Variants in LRRK1 observed in about 807,000 individuals in gnomAD.
The protein encoded by LRRK1 is leucine-rich repeat serine/threonine-protein kinase 1.
Under a neutral mutation model 209.1 loss-of-function variants are expected in LRRK1, and 113 were observed. That is an observed-to-expected ratio of 0.54 (90% CI 0.46 to 0.63). The LOEUF (loss-of-function observed/expected upper bound fraction) is 0.63, where lower values mean the gene tolerates loss of function less well. Among genes scored for constraint, LRRK1 ranks in the 30% least tolerant of loss-of-function variants. LRRK1 has a pLI of 0.00. For missense variants in LRRK1, 2,284 were observed against 2,632.2 expected, an observed-to-expected ratio of 0.87 and a Z score of 2.89; for synonymous variants, 1,144 against 1,099.7, an observed-to-expected ratio of 1.04 and a Z score of -0.80.
At chr15:100,957,127 T>C (rs8041912) in intron 2 of LRRK1, among the ~76,000 whole-genome samples, 71,852 of 152,078 alleles carry the variant, frequency 0.47, 19,106 homozygotes, top group South Asian at 0.62. Context: ...TATTGACTTC[T>C]AGTTTTACAC....
At chr15:100,951,397 T>C (rs2042649231) in intron 2 of LRRK1, among the ~76,000 whole-genome samples, 1 of 152,130 alleles carries the variant, frequency 6.6e-6, no homozygotes, top group African/African-American at 2.4e-5. Context: ...TCTCAACATT[T>C]TGAACATGCA....
chr15:100,956,455 C>CTTTTTCTTTTCTTTTCTTTTCTT, intron 2 of LRRK1, among the ~76,000 whole-genome samples: 3 of 60,528 alleles, frequency 5.0e-5, no homozygotes, highest in East Asian at 4.7e-4. Context: ...TTTTTTTTTT[C>CTTTTTCTTTTCTTTTCTTTTCTT]TTTTTTTTTT....
At chr15:100,972,363 A>AGAGAGAGAGAGTGTGTGTGT (rs1176201849) in intron 2 of LRRK1, among the ~76,000 whole-genome samples, 374 of 98,444 alleles carry the variant, frequency 3.8e-3, no homozygotes, top group Middle Eastern at 0.02. Context: ...AGAGAGAGAG[A>AGAGAGAGAGAGTGTGTGTGT]GTGTGTGTGT....
intron 2 of LRRK1, among the ~76,000 whole-genome samples, chr15:100,941,288 G>GTGTGTC (rs1555458897): frequency 2.2e-5 from 2 of 90,066 alleles, no homozygotes; most frequent in Non-Finnish European, 4.3e-5. Flanking sequence ...CCGTGTGTGT[G>GTGTGTC]TCTGTGTGTG....
At chr15:100,996,819 C>T (rs2032439647) in intron 6 of LRRK1, among the ~76,000 whole-genome samples, 1 of 152,068 alleles carries the variant, frequency 6.6e-6, no homozygotes, top group South Asian at 2.1e-4. Flanking sequence ...ATTTAGTTAA[C>T]GACAGAGAAA....
intron 3 of LRRK1, among the ~76,000 whole-genome samples, chr15:100,982,251 C>T (rs931865970): frequency 2.0e-5 from 3 of 152,242 alleles, no homozygotes; most frequent in Non-Finnish European, 4.4e-5. Context: ...CCCCATCTAC[C>T]TGCTTGACCA....
intron 20 of LRRK1, among the ~76,000 whole-genome samples, chr15:101,040,028 T>C (rs1008038099): frequency 6.6e-6 from 1 of 152,194 alleles, no homozygotes; most frequent in Non-Finnish European, 1.5e-5. Flanking sequence ...TATTGGTTGG[T>C]ACTTTGATGA....
intron 4 of LRRK1, 28 bp from the exon 5 acceptor site, chr15:100,988,606 T>C: frequency 6.2e-7 from 1 of 1,612,550 alleles, no homozygotes; most frequent in East Asian, 2.2e-5. Flanking sequence ...CAGTGGCACT[T>C]TCCCTTTGTC....
chr15:101,053,036 C>T lies in LRRK1; in HGVS notation c.3804C>T (p.Ala1268=), dbSNP rs371462084. The change falls in exon 25 of 34, where the codon GCC becomes GCT. Residue 1268 remains alanine, a synonymous_variant. Transcript: ENST00000388948. ...YRARYQGQPV[A]VKRFHIKKFK... is the part of the protein sequence containing the mutation. ...CCCGGTACCAGGGCCAGCCTGTGGCCGTCAAGCGCTTCCACATCAAAAAAT... is the reference window on the plus strand; with the variant it reads ...CCCGGTACCAGGGCCAGCCTGTGGCTGTCAAGCGCTTCCACATCAAAAAAT... 9.3e-6 allele frequency: 15 copies of T among 1,612,766 alleles called. No homozygotes were observed. The highest frequency in any genetic ancestry group is 1.6e-4 in the Middle Eastern group (1 of 6,078).
At chr15:100,956,455 C>CTTTTTTTTTT (rs776326423) in intron 2 of LRRK1, among the ~76,000 whole-genome samples, 26 of 60,498 alleles carry the variant, frequency 4.3e-4, no homozygotes, top group African/African-American at 8.5e-4. Context: ...TTTTTTTTTT[C>CTTTTTTTTTT]TTTTTTTTTT....
chr15:101,011,911 G>C (rs749529838), intron 9 of LRRK1, 97 bp from the exon 10 acceptor site: 1 of 843,114 alleles, frequency 1.2e-6, no homozygotes, highest in Non-Finnish European at 1.9e-6. Flanking sequence ...TATTGTAATG[G>C]TCCATTTTTA....
At chr15:101,004,448 C>G (rs1308650242) in intron 6 of LRRK1, among the ~76,000 whole-genome samples, 2 of 152,128 alleles carry the variant, frequency 1.3e-5, no homozygotes, top group African/African-American at 4.8e-5. Context: ...TGGCTTGAAT[C>G]TCTTCAGCTC....
chr15:101,062,425 T>C, intron 30 of LRRK1, 149 bp from the exon 31 acceptor site: 1 of 618,854 alleles, frequency 1.6e-6, no homozygotes, highest in South Asian at 2.0e-5. Context: ...CAGAAATCCA[T>C]AAACAACCCA....
intron 33 of LRRK1, chr15:101,067,421 A>ATGTGTGTGTGTG (rs57333844): frequency 1.5e-4 from 44 of 297,166 alleles, no homozygotes; most frequent in Middle Eastern, 1.2e-3. Context: ...CTCAGTTCAA[A>ATGTGTGTGTGTG]TGTGTGTGTG....
intron 6 of LRRK1, among the ~76,000 whole-genome samples, chr15:101,008,278 GT>G (rs1315139700): frequency 6.6e-6 from 1 of 151,462 alleles, no homozygotes; most frequent in Non-Finnish European, 1.5e-5. Flanking sequence ...CCAGAGTTCT[GT>G]TTTTTATATA....
At chr15:101,009,534 C>A (rs2033135247) in intron 7 of LRRK1, among the ~76,000 whole-genome samples, 2 of 152,158 alleles carry the variant, frequency 1.3e-5, no homozygotes, top group South Asian at 2.1e-4. Flanking sequence ...TGAGCCTTAC[C>A]CCTGAGCTTG....
intron 33 of LRRK1, chr15:101,067,175 C>T: frequency 2.3e-6 from 1 of 442,270 alleles, no homozygotes; most frequent in Non-Finnish European, 4.6e-6. Context: ...AGCCTGGGGT[C>T]TCAGCTCCTG....
At chr15:100,979,892 C>T (rs2031504995) in intron 3 of LRRK1, among the ~76,000 whole-genome samples, 1 of 152,160 alleles carries the variant, frequency 6.6e-6, no homozygotes, top group South Asian at 2.1e-4. Flanking sequence ...CATTGCACAG[C>T]TTTATGAACA....
At chr15:100,990,525 A>G (rs141650301) in intron 6 of LRRK1, among the ~76,000 whole-genome samples, 1 of 152,186 alleles carries the variant, frequency 6.6e-6, no homozygotes, top group African/African-American at 2.4e-5. Context: ...GGCATCCTGG[A>G]GCCTATTAAT....
Sources: gnomAD v4.1 joint callset for allele counts (sites outside exome capture counted in the v4.1 genomes callset) on GRCh38, gnomAD v4.1.1 for gene constraint, MANE v1.5 for transcripts, NCBI Gene and HGNC (gene_info 2026-07-23, HGNC 2026-07-21) for gene names.